LRRC56: variants seen among roughly 807,000 people sequenced by gnomAD.
LRRC56 encodes the protein leucine-rich repeat-containing protein 56.
In LRRC56, 41 loss-of-function variants were observed where a neutral mutation model predicts 47.8. The observed-to-expected ratio is 0.86, with a 90% CI of 0.67 to 1.11. The LOEUF (loss-of-function observed/expected upper bound fraction) is 1.11, where lower values mean the gene tolerates loss of function less well. Ranked by LOEUF, LRRC56 falls within the 50% of genes most tolerant of loss-of-function variation. The pLI, the probability that LRRC56 is intolerant of heterozygous loss-of-function variation, is 0.00. For missense variants in LRRC56, 759 were observed against 704.2 expected (o/e 1.08, Z -0.88); for synonymous variants, 387 against 311.2 (o/e 1.24, Z -2.56).
chr11:530,077 A>C, the LRRC56 span, among the ~76,000 whole-genome samples: 3 of 152,218 alleles, frequency 2.0e-5, no homozygotes, highest in East Asian at 1.9e-4. Context: ...TGTTGAAGCC[A>C]CCCAGGGACC....
At chr11:525,232 T>C in the LRRC56 span, among the ~76,000 whole-genome samples, 22 of 149,112 alleles carry the variant, frequency 1.5e-4, no homozygotes, top group African/African-American at 3.7e-4. Flanking sequence ...GGTGAAACCC[T>C]GTCTCTACTA....
rs1589823852 is a variant in LRRC56 at position 554,476 on chromosome 11, CCAACTGGGTTTGG to C, written c.*202_*214del. 2.1e-6 allele frequency: 1 copy of C among 468,048 alleles called. No individual in the cohort carries two copies. The allele number at this position is 468,048 out of a possible 1,614,324, so 29.0% of individuals were successfully genotyped here. A position where few individuals can be genotyped will look rare whatever the true frequency, so the allele number is the denominator to read the frequency against. On this transcript the variant is annotated 3_prime_UTR_variant, in exon 14 of 14. Transcript: ENST00000270115. ...AGAGGCTGGAACCCAGTTTAGGCCC[CCAACTGGGTTTGG>C]CCTGGGGAGGGAGGGTCCGGCTCCC...
chr11:507,459 GC>G, the LRRC56 span, among the ~76,000 whole-genome samples: 1 of 151,628 alleles, frequency 6.6e-6, no homozygotes, highest in Non-Finnish European at 1.5e-5. Flanking sequence ...AGTAGGCGGG[GC>G]TTGGTGCCGG....
chr11:547,982 C>G (rs950824728), intron 6 of LRRC56, among the ~76,000 whole-genome samples: 2 of 151,788 alleles, frequency 1.3e-5, no homozygotes, highest in South Asian at 4.2e-4. Context: ...AAAAATTAGC[C>G]GGGTGTGGTG....
At position 550,186 on chromosome 11, in the gene LRRC56, TA is replaced by T. The variant is rs777448469; in HGVS notation, c.539del (p.Tyr180SerfsTer40). On this transcript the variant is annotated frameshift_variant, in exon 8 of 14. Transcript: ENST00000270115. LOFTEE classifies it high-confidence loss of function. ...CGTGGAGGACCTGGGGCAGGTGCGC[TA>T]CTTGCAGCTGTGCCCACGCCTGGCC... Reference protein sequence around the residue: ...NSVEDLGQVRYLQLCPRLAML... With the variant: ...NSVEDLGQVRXLQLCPRLAML... The T allele has an allele frequency of 1.9e-6, 3 of 1,612,930 alleles. No individual in the cohort carries two copies. The East Asian group carries it at 6.7e-5, about 36-fold the overall frequency.
intron 3 of LRRC56, among the ~76,000 whole-genome samples, chr11:540,089 C>T (rs1851720465): frequency 6.6e-6 from 1 of 152,232 alleles, no homozygotes; most frequent in Admixed American, 6.5e-5. Flanking sequence ...CACTCTGACT[C>T]TTGCAGGTAC....
chr11:521,711 G>A, the LRRC56 span, among the ~76,000 whole-genome samples: 3 of 152,284 alleles, frequency 2.0e-5, no homozygotes, highest in African/African-American at 4.8e-5. Context: ...TCAGGAGATC[G>A]AGACCATCCT....
intron 4 of LRRC56, 112 bp downstream of exon 4, chr11:540,973 GC>G: frequency 2.1e-6 from 2 of 941,322 alleles, no homozygotes; most frequent in Non-Finnish European, 3.1e-6. Flanking sequence ...TGCTGGTCTT[GC>G]CTGCTGATGG....
At chr11:512,596 G>A in the LRRC56 span, among the ~76,000 whole-genome samples, 1 of 152,162 alleles carries the variant, frequency 6.6e-6, no homozygotes, top group African/African-American at 2.4e-5. Flanking sequence ...CTTGGTAGAT[G>A]GAACAGCGTG....
the LRRC56 span, among the ~76,000 whole-genome samples, chr11:509,088 A>T: frequency 6.6e-6 from 1 of 150,764 alleles, no homozygotes; most frequent in South Asian, 2.1e-4. Context: ...AAGGTGGTTC[A>T]CACACACACA....
intron 5 of LRRC56, among the ~76,000 whole-genome samples, chr11:543,810 G>T (rs1317132985): frequency 6.6e-6 from 1 of 151,938 alleles, no homozygotes; most frequent in Non-Finnish European, 1.5e-5. Context: ...GTGCAGTGGC[G>T]CAATCTCGGC....
rs769099841 is a variant in LRRC56 at position 551,797 on chromosome 11, C to G, written c.943C>G (p.Pro315Ala). 2 of 1,608,780 alleles carry G rather than the reference C, an allele frequency of 1.2e-6. No individual in the cohort carries two copies. The highest frequency in any genetic ancestry group is 1.7e-6 in the Non-Finnish European group (2 of 1,177,478). The change falls in exon 10 of 14, where the codon CCA becomes GCA. Residue 315 changes from proline (P) to alanine (A), a missense_variant. Coordinates refer to ENST00000270115, the MANE Select transcript of LRRC56 (RefSeq NM_198075.4). Reference sequence around the variant, plus strand: ...AGGCCTGCTTTCTGAGGACCTGGCCCCAGAAGATAACACCAGCAGCCTCAC... The same window carrying G: ...AGGCCTGCTTTCTGAGGACCTGGCCGCAGAAGATAACACCAGCAGCCTCAC... The part of the protein sequence containing the change: ...PEGLLSEDLA[P>A]EDNTSSLTHG...
At position 551,236 on chromosome 11, in the gene LRRC56, C is replaced by T. The variant is rs376758972; in HGVS notation, c.730C>T (p.Arg244Trp). 2.0e-5 allele frequency: 31 copies of T among 1,546,398 alleles called. No homozygotes were observed. The highest frequency in any genetic ancestry group is 1.7e-4 in the Middle Eastern group (1 of 5,974). Reference protein sequence around the residue: ...AAHTGPPAPPRLSQDWLAVKE... With the variant: ...AAHTGPPAPPWLSQDWLAVKE... Reference sequence around the variant, plus strand: ...ACACACAGGCCCACCGGCCCCCCCGCGGCTGAGCCAGGACTGGCTTGCGGT... The same window carrying T: ...ACACACAGGCCCACCGGCCCCCCCGTGGCTGAGCCAGGACTGGCTTGCGGT... The change falls in exon 9 of 14, where the codon CGG becomes TGG. Residue 244 changes from arginine to tryptophan, a missense_variant. By Grantham distance (101) the Arg-to-Trp change is moderately radical. Transcript: ENST00000270115.
At chr11:525,349 C>G in the LRRC56 span, among the ~76,000 whole-genome samples, 1 of 151,968 alleles carries the variant, frequency 6.6e-6, no homozygotes, top group Non-Finnish European at 1.5e-5. Flanking sequence ...ACCATCCTGG[C>G]TAACACGGTG....
chr11:537,568 C>G lies in LRRC56; in HGVS notation c.-459C>G, dbSNP rs1851575232. 6.6e-6 allele frequency: 1 copy of G among 152,306 alleles called. No individual in the cohort carries two copies. The highest frequency in any genetic ancestry group is 1.5e-5 in the Non-Finnish European group (1 of 68,100). 9.4% of individuals were successfully genotyped at this position (152,306 alleles called of 1,614,324 possible). On this transcript the variant is annotated 5_prime_UTR_variant, in exon 1 of 14. Transcript: ENST00000270115. ...CCTGGAGGTGGAGGGCGCCCAGGGC[C>G]GAGCTGCCAGGGCCGGACACCTAGG...
chr11:554,013 C>G lies in LRRC56; in HGVS notation c.1366C>G (p.Pro456Ala), dbSNP rs780112322. The part of the protein sequence containing the change: ...QHLVPSPPKH[P>A]RPRDSGSSSP... ...CCTGGTCCCTTCACCTCCCAAGCACCCAAGGCCACGAGATTCTGGCAGCAG... is the reference window on the plus strand; with the variant it reads ...CCTGGTCCCTTCACCTCCCAAGCACGCAAGGCCACGAGATTCTGGCAGCAG... Residue 456 changes from proline (P) to alanine (A), a missense_variant, in exon 14 of 14, where the codon CCA (proline) becomes GCA (alanine). Physicochemically the swap from Pro to Ala is conservative, Grantham distance 27. Coordinates refer to ENST00000270115, the MANE Select transcript of LRRC56 (RefSeq NM_198075.4). 40 of 1,612,194 alleles carry G rather than the reference C, an allele frequency of 2.5e-5. No homozygotes were observed. The highest frequency in any genetic ancestry group is 3.1e-5 in the Non-Finnish European group (36 of 1,179,774).
At chr11:510,786 G>GT in the LRRC56 span, among the ~76,000 whole-genome samples, 1 of 151,994 alleles carries the variant, frequency 6.6e-6, no homozygotes. Flanking sequence ...GCCTGCACCT[G>GT]TAATCCCAGC....
chr11:510,970 T>C, the LRRC56 span, among the ~76,000 whole-genome samples: 1 of 151,956 alleles, frequency 6.6e-6, no homozygotes, highest in Non-Finnish European at 1.5e-5. Flanking sequence ...GATGTGTACA[T>C]AAAGTGCACA....
At chr11:511,131 C>T in the LRRC56 span, among the ~76,000 whole-genome samples, 1 of 151,710 alleles carries the variant, frequency 6.6e-6, no homozygotes, top group East Asian at 2.0e-4. Flanking sequence ...ACCATCCTGG[C>T]TAACACGGTA....
Sources: gnomAD v4.1 joint callset for allele counts (sites outside exome capture counted in the v4.1 genomes callset) on GRCh38, gnomAD v4.1.1 for gene constraint, MANE v1.5 for transcripts, NCBI Gene and HGNC (gene_info 2026-07-23, HGNC 2026-07-21) for gene names.